FAF1: variants seen among roughly 807,000 people sequenced by gnomAD.
FAF1 encodes Fas associated factor 1.
Under a neutral mutation model 92.5 loss-of-function variants are expected in FAF1, and 25 were observed. The ratio of observed to expected loss-of-function variants is 0.27; its 90% CI spans 0.20 to 0.38. FAF1 has a LOEUF of 0.38. Ranked by LOEUF, FAF1 falls within the 10% of genes least tolerant of loss-of-function variation. The pLI is 1.00. For missense variants in FAF1, 636 were observed against 793.3 expected (o/e 0.80, Z 2.38); for synonymous variants, 234 against 273.2 (o/e 0.86, Z 1.42).
intron 7 of FAF1, among the ~76,000 whole-genome samples, chr1:50,676,071 A>C (rs772658975): frequency 3.3e-5 from 5 of 152,180 alleles, no homozygotes; most frequent in Non-Finnish European, 7.3e-5. Flanking sequence ...CATTCCTCCA[A>C]CCAAGTCTTA....
intron 4 of FAF1, among the ~76,000 whole-genome samples, chr1:50,779,158 A>C (rs187327276): frequency 1.2e-4 from 18 of 152,348 alleles, no homozygotes; most frequent in Admixed American, 9.1e-4. Context: ...TCACGTCTTC[A>C]GGCTCCTCTT....
At chr1:50,591,628 G>C (rs748893052) in intron 9 of FAF1, among the ~76,000 whole-genome samples, 2 of 142,242 alleles carry the variant, frequency 1.4e-5, no homozygotes, top group Admixed American at 1.5e-4. Flanking sequence ...AGCCGAGATC[G>C]CACCACTGCA....
At chr1:50,554,888 G>A (rs1016229205) in intron 13 of FAF1, among the ~76,000 whole-genome samples, 3 of 151,936 alleles carry the variant, frequency 2.0e-5, no homozygotes, top group Non-Finnish European at 2.9e-5. Context: ...CTTGTTTTTC[G>A]TATTTCCAGC....
At position 50,490,640 on chromosome 1, in the gene FAF1, G is replaced by A; in HGVS notation, c.1601C>T (p.Ala534Val). The change falls in exon 17 of 19, where the codon GCA (alanine) becomes GTA (valine). Residue 534 changes from alanine (A) to valine (V), a missense_variant. By Grantham distance (64) the Ala-to-Val change is moderately conservative. Around this residue, in one of 2 missense-constraint regions of FAF1, gnomAD observed 319 missense variants for 451.0 expected, o/e 0.71. Coordinates refer to ENST00000396153, the MANE Select transcript of FAF1 (RefSeq NM_007051.3). ...AATCTGCTCCAAACGAAACTGTTCT[G>A]CCATCTCTCTCTCGTGAGCTTCCCT... ...AKREAHEREM[A>V]EQFRLEQIRK... The A allele has an allele frequency of 6.2e-7, 1 of 1,612,420 alleles. No individual in the cohort carries two copies. Among genetic ancestry groups the A allele is most frequent in the Non-Finnish European group, 8.5e-7 (1 of 1,178,494 alleles).
intron 12 of FAF1, among the ~76,000 whole-genome samples, chr1:50,579,765 A>G (rs887093756): frequency 1.3e-5 from 2 of 152,160 alleles, no homozygotes; most frequent in African/African-American, 4.8e-5. Context: ...CCAGGAGGAA[A>G]AAATGGGGAG....
At chr1:50,750,831 C>T (rs1659833029) in intron 4 of FAF1, among the ~76,000 whole-genome samples, 1 of 151,602 alleles carries the variant, frequency 6.6e-6, no homozygotes, top group African/African-American at 2.4e-5. Context: ...CCATGCAGGC[C>T]AGGCTGGTCT....
intron 8 of FAF1, among the ~76,000 whole-genome samples, chr1:50,634,257 G>C (rs560011021): frequency 1.3e-5 from 2 of 151,044 alleles, no homozygotes; most frequent in African/African-American, 4.9e-5. Flanking sequence ...AAAAAAAAAA[G>C]AATTTCTGTT....
chr1:50,760,195 G>C (rs1451655704), intron 4 of FAF1, among the ~76,000 whole-genome samples: 3 of 151,964 alleles, frequency 2.0e-5, no homozygotes, highest in Admixed American at 6.6e-5. Context: ...AGCAAGTCCT[G>C]AGTGACCTAC....
chr1:50,636,187 T>C (rs1024319450), intron 8 of FAF1, among the ~76,000 whole-genome samples: 1 of 152,150 alleles, frequency 6.6e-6, no homozygotes, highest in African/African-American at 2.4e-5. Flanking sequence ...TACAGTAAAA[T>C]GCACCCATTT....
chr1:50,543,715 T>C (rs1321687221), intron 13 of FAF1, among the ~76,000 whole-genome samples: 1 of 152,030 alleles, frequency 6.6e-6, no homozygotes, highest in Non-Finnish European at 1.5e-5. Flanking sequence ...CACAGGAAGA[T>C]ACATTAGCAA....
intron 12 of FAF1, among the ~76,000 whole-genome samples, chr1:50,578,529 A>T (rs1217572055): frequency 6.6e-6 from 1 of 152,188 alleles, no homozygotes; most frequent in Non-Finnish European, 1.5e-5. Flanking sequence ...GTGGTGGGAT[A>T]GTGTAAACCA....
intron 8 of FAF1, among the ~76,000 whole-genome samples, chr1:50,619,544 C>T (rs1160826105): frequency 6.6e-6 from 1 of 152,148 alleles, no homozygotes; most frequent in Non-Finnish European, 1.5e-5. Flanking sequence ...TTTAAGGATG[C>T]TGAATATAGG....
intron 4 of FAF1, among the ~76,000 whole-genome samples, chr1:50,774,783 T>G (rs994182965): frequency 3.3e-5 from 5 of 152,070 alleles, no homozygotes; most frequent in Admixed American, 3.3e-4. Flanking sequence ...ATCCCTACCC[T>G]CAAAGAGATC....
intron 7 of FAF1, among the ~76,000 whole-genome samples, chr1:50,703,222 T>C (rs1657545752): frequency 6.6e-6 from 1 of 152,190 alleles, no homozygotes; most frequent in African/African-American, 2.4e-5. Flanking sequence ...ATACTAGCAT[T>C]ATAAAATAAA....
At chr1:50,751,622 G>A (rs1468902558) in intron 4 of FAF1, among the ~76,000 whole-genome samples, 2 of 152,182 alleles carry the variant, frequency 1.3e-5, no homozygotes, top group Non-Finnish European at 2.9e-5. Context: ...GATTACAGGC[G>A]TGAGCCACTG....
At chr1:50,544,592 C>T (rs760788075) in intron 13 of FAF1, among the ~76,000 whole-genome samples, 5 of 152,110 alleles carry the variant, frequency 3.3e-5, no homozygotes, top group Non-Finnish European at 5.9e-5. Context: ...CTTCACTGGA[C>T]CAAGTGTCTA....
intron 1 of FAF1, among the ~76,000 whole-genome samples, chr1:50,882,067 C>T (rs895169037): frequency 6.6e-6 from 1 of 151,950 alleles, no homozygotes; most frequent in Non-Finnish European, 1.5e-5. Context: ...TCTAAAATGT[C>T]GTCATTACTC....
At chr1:50,815,651 T>C (rs932529471) in intron 2 of FAF1, among the ~76,000 whole-genome samples, 1 of 152,228 alleles carries the variant, frequency 6.6e-6, no homozygotes, top group African/African-American at 2.4e-5. Flanking sequence ...ATAAACTAAT[T>C]TACATTTCTA....
chr1:50,787,903 T>C, intron 4 of FAF1, 97 bp downstream of exon 4: 1 of 1,016,316 alleles, frequency 9.8e-7, no homozygotes, highest in Non-Finnish European at 1.5e-6. Flanking sequence ...TTTTTTTCCC[T>C]TCTTGCACTG....
Sources: allele counts gnomAD v4.1 joint callset (sites outside exome capture counted in the v4.1 genomes callset), GRCh38; gene constraint gnomAD v4.1.1; regional missense constraint gnomAD v4.1.1; transcripts MANE v1.5; gene names NCBI Gene and HGNC (gene_info 2026-07-23, HGNC 2026-07-21).